LRRC7: variants seen among roughly 807,000 people sequenced by gnomAD.
The protein encoded by LRRC7 is leucine-rich repeat-containing protein 7.
Under a neutral mutation model 175.7 loss-of-function variants are expected in LRRC7, and 23 were observed. The observed-to-expected ratio is 0.13, with a 90% confidence interval of 0.09 to 0.19. The LOEUF (loss-of-function observed/expected upper bound fraction) is 0.19, where lower values mean the gene tolerates loss of function less well. LRRC7 is among the 10% of genes least tolerant of loss of function. LRRC7 has a pLI of 1.00. For missense variants in LRRC7, 1,354 were observed against 1,904.7 expected (o/e 0.71, Z 5.38); for synonymous variants, 685 against 680.9 (o/e 1.01, Z -0.09).
At chr1:69,831,559 A>T (rs1680528639) in intron 5 of LRRC7, among the ~76,000 whole-genome samples, 1 of 152,052 alleles carries the variant, frequency 6.6e-6, no homozygotes, top group South Asian at 2.1e-4. Flanking sequence ...TGCAGAACTC[A>T]TCTTCTCTTT....
At chr1:70,116,555 A>AC in intron 26 of LRRC7, among the ~76,000 whole-genome samples, 1 of 152,000 alleles carries the variant, frequency 6.6e-6, no homozygotes, top group Non-Finnish European at 1.5e-5. Flanking sequence ...TCAAAAAAAA[A>AC]AAAAAAAAAA....
At chr1:69,708,881 C>T (rs767324435) in intron 2 of LRRC7, among the ~76,000 whole-genome samples, 6 of 152,140 alleles carry the variant, frequency 3.9e-5, no homozygotes, top group Non-Finnish European at 5.9e-5. Context: ...AATTGAGAAC[C>T]GGTCCACCAT....
intron 22 of LRRC7, among the ~76,000 whole-genome samples, chr1:70,051,385 AC>A (rs1457876145): frequency 6.6e-6 from 1 of 152,024 alleles, no homozygotes; most frequent in African/African-American, 2.4e-5. Flanking sequence ...GTAATGCTTA[AC>A]CTGAATAATT....
At position 69,898,662 on chromosome 1, in the gene LRRC7, A is replaced by G. The variant is rs555389675; in HGVS notation, c.648-32845A>G. ...GCTTGCAGTTTCTGTTGCTATCATC[A>G]CTGCTGCTGCTGCTGCTGCTGCTGC... On this transcript the variant is annotated intron_variant, in intron 7 of 26. Transcript: ENST00000651989. 3.3e-3 allele frequency among the ~76,000 whole-genome samples: 504 copies of G among 150,878 alleles called. 1 individual carries two copies. Among genetic ancestry groups the G allele is most frequent in the African/African-American group, 0.011 (456 of 41,116 alleles).
At chr1:69,617,222 C>T (rs1189431590) in intron 1 of LRRC7, among the ~76,000 whole-genome samples, 1 of 151,986 alleles carries the variant, frequency 6.6e-6, no homozygotes, top group East Asian at 1.9e-4. Context: ...GGAATATGAG[C>T]AGAAGCAGTT....
intron 7 of LRRC7, among the ~76,000 whole-genome samples, chr1:69,854,443 C>A (rs1338022113): frequency 6.6e-6 from 1 of 152,050 alleles, no homozygotes; most frequent in Non-Finnish European, 1.5e-5. Context: ...ATGAAGGCTG[C>A]AATAAGCTAA....
At chr1:69,914,084 G>A (rs1282146046) in intron 7 of LRRC7, among the ~76,000 whole-genome samples, 1 of 152,044 alleles carries the variant, frequency 6.6e-6, no homozygotes, top group Non-Finnish European at 1.5e-5. Flanking sequence ...AGCAATAACT[G>A]GGAGAAGTTT....
intron 3 of LRRC7, among the ~76,000 whole-genome samples, chr1:69,767,659 T>G (rs1182565979): frequency 6.6e-6 from 1 of 152,092 alleles, no homozygotes; most frequent in Admixed American, 6.6e-5. Flanking sequence ...TTCTTCGTTA[T>G]GTATATTGTA....
chr1:69,976,664 G>A (rs984227636), intron 8 of LRRC7, among the ~76,000 whole-genome samples: 30 of 152,142 alleles, frequency 2.0e-4, no homozygotes, highest in African/African-American at 7.0e-4. Context: ...GGATGCTCTT[G>A]TTCACTTCCT....
chr1:69,689,779 A>G (rs923655587), intron 2 of LRRC7, among the ~76,000 whole-genome samples: 8 of 152,212 alleles, frequency 5.3e-5, no homozygotes, highest in African/African-American at 1.9e-4. Context: ...ATTACATATT[A>G]TGCTTCTATT....
chr1:69,598,165 G>T (rs116341701), intron 1 of LRRC7, among the ~76,000 whole-genome samples: 2 of 152,106 alleles, frequency 1.3e-5, no homozygotes, highest in African/African-American at 4.8e-5. Context: ...TTCTAATGAG[G>T]TGTGGGCTTT....
At chr1:69,968,480 A>G (rs1211242511) in intron 8 of LRRC7, among the ~76,000 whole-genome samples, 2 of 152,232 alleles carry the variant, frequency 1.3e-5, no homozygotes, top group African/African-American at 2.4e-5. Context: ...CAAAGAGATC[A>G]TCACCCAGGC....
Position 69,568,521 on chromosome 1 carries a change from TCTC to T in LRRC7, c.-114_-112del, listed in dbSNP as rs1362445691. On this transcript the variant is annotated 5_prime_UTR_variant, in exon 1 of 27. Transcript: ENST00000651989. ...CTACCTTCTACTCCTTCCCTCCTCT[TCTC>T]CTCCGAAGACCCTGGCGCCCACTCC... is the stretch of plus-strand genomic sequence containing the variant. 6.4e-6 allele frequency: 6 copies of T among 939,728 alleles called. No homozygotes were observed. The highest frequency in any genetic ancestry group is 8.5e-5 in the East Asian group (1 of 11,786). The allele number at this position is 939,728 out of a possible 1,614,324, so 58.2% of individuals were successfully genotyped here.
chr1:69,751,219 C>T (rs1206964300), intron 2 of LRRC7, among the ~76,000 whole-genome samples: 1 of 152,132 alleles, frequency 6.6e-6, no homozygotes, highest in Non-Finnish European at 1.5e-5. Context: ...TGATGCTCAT[C>T]TCTCTTACTA....
chr1:69,657,564 GTGTCTTC>G (rs950177915), intron 1 of LRRC7, among the ~76,000 whole-genome samples: 1 of 151,778 alleles, frequency 6.6e-6, no homozygotes, highest in Non-Finnish European at 1.5e-5. Context: ...TTTCCCCGAT[GTGTCTTC>G]TGTATGTAAA....
chr1:69,820,623 G>A (rs1032521634), intron 4 of LRRC7, among the ~76,000 whole-genome samples: 1 of 152,026 alleles, frequency 6.6e-6, no homozygotes, highest in Non-Finnish European at 1.5e-5. Context: ...TTGGTTTTCT[G>A]TTCCAGTGTT....
intron 11 of LRRC7, among the ~76,000 whole-genome samples, chr1:69,994,894 A>T (rs972643778): frequency 6.6e-6 from 1 of 152,026 alleles, no homozygotes; most frequent in African/African-American, 2.4e-5. Flanking sequence ...GATTACCCAG[A>T]CCTTCAATTA....
intron 8 of LRRC7, among the ~76,000 whole-genome samples, chr1:69,952,969 G>A (rs888600842): frequency 1.9e-5 from 2 of 105,526 alleles, no homozygotes; most frequent in Admixed American, 1.4e-4. Context: ...ATGCCTTCAG[G>A]AAAAGTATGT....
intron 25 of LRRC7, among the ~76,000 whole-genome samples, chr1:70,094,309 T>G (rs1664235278): frequency 6.6e-6 from 1 of 152,136 alleles, no homozygotes; most frequent in Non-Finnish European, 1.5e-5. Flanking sequence ...GCTCAACAGA[T>G]GCCAGAGAGC....
Sources: gnomAD v4.1 joint callset for allele counts (sites outside exome capture counted in the v4.1 genomes callset) on GRCh38, gnomAD v4.1.1 for gene constraint, MANE v1.5 for transcripts, NCBI Gene and HGNC (gene_info 2026-07-23, HGNC 2026-07-21) for gene names.